Variants in KLF17 observed in about 807,000 individuals in gnomAD.
KLF17 encodes Krueppel-like factor 17.
Under a neutral mutation model 34.2 loss-of-function variants are expected in KLF17, and 31 were observed. The ratio of observed to expected loss-of-function variants is 0.91; its 90% CI spans 0.68 to 1.22. KLF17 has a LOEUF of 1.22. Among genes scored for constraint, KLF17 ranks in the 50% most tolerant of loss-of-function variants. The pLI, the probability that KLF17 is intolerant of heterozygous loss-of-function variation, is 0.00. For synonymous variants in KLF17, 179 were observed against 186.7 expected (o/e 0.96, Z 0.34); for missense variants, 478 against 505.2 (o/e 0.95, Z 0.52).
At chr1:44,099,894 A>AAAGG in the KLF17 span, among the ~76,000 whole-genome samples, 4 of 67,364 alleles carry the variant, frequency 5.9e-5, no homozygotes, top group African/African-American at 1.9e-4. Flanking sequence ...AGAAAGAAAG[A>AAAGG]AAGAAAGAAA....
the KLF17 span, among the ~76,000 whole-genome samples, chr1:44,102,565 T>TACAC: frequency 0.04 from 3,581 of 89,026 alleles, 74 homozygotes; most frequent in East Asian, 0.12. Flanking sequence ...CACATACACA[T>TACAC]ACACACACAC....
the KLF17 span, among the ~76,000 whole-genome samples, chr1:44,059,732 C>G: frequency 6.6e-6 from 1 of 152,038 alleles, no homozygotes; most frequent in Middle Eastern, 3.2e-3. Context: ...ATGATTCTAT[C>G]TTTTGCATCC....
At chr1:44,066,147 G>A in the KLF17 span, among the ~76,000 whole-genome samples, 7 of 151,952 alleles carry the variant, frequency 4.6e-5, no homozygotes, top group Non-Finnish European at 7.4e-5. Flanking sequence ...TGAGACCCCC[G>A]TCTCTACAAA....
intron 1 of KLF17, among the ~76,000 whole-genome samples, chr1:44,126,009 TTTTTGTTTTG>T (rs138404452): frequency 0.026 from 3,942 of 151,850 alleles, 185 homozygotes; most frequent in African/African-American, 0.091. Context: ...GACAAGGTTT[TTTTTGTTTTG>T]TTTTGTTTTG....
the KLF17 span, among the ~76,000 whole-genome samples, chr1:44,090,173 T>C: frequency 6.7e-6 from 1 of 148,500 alleles, no homozygotes; most frequent in African/African-American, 2.5e-5. Context: ...CCTGGAAGCC[T>C]CAATTATTTA....
At chr1:44,128,913 G>A (rs181577902) in intron 1 of KLF17, among the ~76,000 whole-genome samples, 76 of 152,146 alleles carry the variant, frequency 5.0e-4, no homozygotes, top group African/African-American at 1.8e-3. Flanking sequence ...TCAGGAGGCT[G>A]AGGCAGGAGA....
chr1:44,065,026 C>T, the KLF17 span, among the ~76,000 whole-genome samples: 2 of 152,170 alleles, frequency 1.3e-5, no homozygotes, highest in South Asian at 2.1e-4. Context: ...TGGTGGCTCA[C>T]GCCTGTAGTC....
chr1:44,089,398 G>A, the KLF17 span, among the ~76,000 whole-genome samples: 1 of 152,210 alleles, frequency 6.6e-6, no homozygotes, highest in African/African-American at 2.4e-5. Context: ...GAGCTCTGGA[G>A]CAAACACTGT....
rs1309567263 is a variant in KLF17, at chr1:44,129,965, G to A, written c.694G>A (p.Val232Ile). ...MPPAESQSLL[V>I]LGSQDSLVSQ... ...CCCAGCTGAGTCCCAGTCATTGCTG[G>A]TTTTAGGATCTCAGGACTCTCTTGT... The change falls in exon 2 of 4, where the codon GTT becomes ATT. Residue 232 changes from valine (V) to isoleucine (I), a missense_variant. By Grantham distance (29) the Val-to-Ile change is conservative (BLOSUM62 3). Transcript: ENST00000372299. The A allele has an allele frequency of 1.2e-6, 2 of 1,614,180 alleles. No individual in the cohort carries two copies. Among genetic ancestry groups the A allele is most frequent in the Non-Finnish European group, 8.5e-7 (1 of 1,180,040 alleles).
At chr1:44,082,788 C>T in the KLF17 span, among the ~76,000 whole-genome samples, 1 of 152,082 alleles carries the variant, frequency 6.6e-6, no homozygotes, top group Non-Finnish European at 1.5e-5. Context: ...CAAGTTGTCT[C>T]TACCTTAGAA....
chr1:44,097,936 G>T, the KLF17 span, among the ~76,000 whole-genome samples: 1 of 151,944 alleles, frequency 6.6e-6, no homozygotes, highest in African/African-American at 2.4e-5. Flanking sequence ...TACATATGTT[G>T]AACCATCCTT....
chr1:44,048,009 TG>T, the KLF17 span: 1 of 137,264 alleles, frequency 7.3e-6, no homozygotes, highest in African/African-American at 3.4e-5. Flanking sequence ...TGTATGTGTG[TG>T]TGTGTGTGTG....
At chr1:44,099,426 A>T in the KLF17 span, among the ~76,000 whole-genome samples, 271 of 152,248 alleles carry the variant, frequency 1.8e-3, no homozygotes, top group African/African-American at 6.1e-3. Flanking sequence ...AAATATTTTT[A>T]AAAAGAAAAT....
chr1:44,130,330 G>C (rs1396513709), intron 2 of KLF17, 134 bp downstream of exon 2: 1 of 1,302,900 alleles, frequency 7.7e-7, no homozygotes, highest in East Asian at 2.4e-5. Flanking sequence ...CTGGCCCCCC[G>C]ACTTGCCATA....
chr1:44,130,053 C>T lies in KLF17; in HGVS notation c.782C>T (p.Thr261Ile). 1.2e-6 allele frequency: 2 copies of T among 1,614,208 alleles called. No individual in the cohort carries two copies. The highest frequency in any genetic ancestry group is 1.7e-6 in the Non-Finnish European group (2 of 1,180,042). Residue 261 changes from threonine to isoleucine, a missense_variant, in exon 2 of 4, where the codon ACA becomes ATA. Transcript: ENST00000372299. ...LPEQPGPAPQ[T>I]VEKNSRPQEG... is the part of the protein sequence containing the mutation. Reference sequence around the variant, plus strand: ...GAGCAGCCCGGACCTGCTCCACAGACAGTAGAGAAGAACTCCAGGCCTCAG... The same window carrying T: ...GAGCAGCCCGGACCTGCTCCACAGATAGTAGAGAAGAACTCCAGGCCTCAG...
chr1:44,077,332 A>G, the KLF17 span, among the ~76,000 whole-genome samples: 4 of 152,264 alleles, frequency 2.6e-5, no homozygotes, highest in South Asian at 2.1e-4. Context: ...GTGACAGAGC[A>G]AGACTCTGTC....
At chr1:44,112,143 G>A in the KLF17 span, among the ~76,000 whole-genome samples, 1 of 152,184 alleles carries the variant, frequency 6.6e-6, no homozygotes, top group East Asian at 1.9e-4. Flanking sequence ...TCTCCTGTCG[G>A]TAGGTAGTTA....
chr1:44,081,684 G>T, the KLF17 span, among the ~76,000 whole-genome samples: 1 of 151,906 alleles, frequency 6.6e-6, no homozygotes, highest in East Asian at 1.9e-4. Flanking sequence ...GACTCCCAAG[G>T]TGCTGGAATT....
At chr1:44,066,411 A>G in the KLF17 span, among the ~76,000 whole-genome samples, 1 of 141,530 alleles carries the variant, frequency 7.1e-6, no homozygotes. Context: ...TTTTTTTAAG[A>G]GATGGGGTCT....
Sources: gnomAD v4.1 joint callset for allele counts (sites outside exome capture counted in the v4.1 genomes callset) on GRCh38, gnomAD v4.1.1 for gene constraint, MANE v1.5 for transcripts, NCBI Gene and HGNC (gene_info 2026-07-23, HGNC 2026-07-21) for gene names.